DIP2C: variants seen among roughly 807,000 people sequenced by gnomAD.
DIP2C encodes the protein disco-interacting protein 2 homolog C.
A neutral mutation model predicts 192.4 loss-of-function variants in DIP2C; 33 were observed. The ratio of observed to expected loss-of-function variants is 0.17; its 90% CI spans 0.13 to 0.23. DIP2C has a LOEUF of 0.23. Among genes scored for constraint, DIP2C ranks in the 10% least tolerant of loss-of-function variants. The pLI is 1.00. For synonymous variants in DIP2C, 979 were observed against 864.1 expected (o/e 1.13, Z -2.33); for missense variants, 1,537 against 2,110.1 (o/e 0.73, Z 5.32).
chr10:484,736 T>A (rs777979811), intron 2 of DIP2C: 10 of 1,594,130 alleles, frequency 6.3e-6, no homozygotes, highest in South Asian at 3.4e-5. Context: ...CCTTTTCTAA[T>A]GTGTACCCTG....
intron 23 of DIP2C, 60 bp downstream of exon 23, chr10:357,768 G>T: frequency 7.6e-7 from 1 of 1,319,088 alleles, no homozygotes; most frequent in Non-Finnish European, 1.1e-6. Flanking sequence ...GGTCGCAGAT[G>T]GTCGGGGACA....
chr10:592,326 C>T (rs1272416815), intron 1 of DIP2C, among the ~76,000 whole-genome samples: 3 of 152,052 alleles, frequency 2.0e-5, no homozygotes, highest in African/African-American at 2.4e-5. Context: ...TCCGTAGCAG[C>T]GGATGTTATA....
intron 1 of DIP2C, among the ~76,000 whole-genome samples, chr10:487,544 C>T (rs1313220028): frequency 6.9e-6 from 1 of 145,372 alleles, no homozygotes; most frequent in African/African-American, 2.5e-5. Context: ...TGACACGGAA[C>T]CCGCATCCGC....
At position 659,220 on chromosome 10, in the gene DIP2C, CAT is replaced by C. The variant is rs369271229; in HGVS notation, c.85+30272_85+30273del. Among the ~76,000 whole-genome samples the C allele has an allele frequency of 2.3e-3, 345 of 152,370 alleles. 2 individuals carry two copies. The highest frequency in any genetic ancestry group is 7.5e-3 in the African/African-American group (313 of 41,594). On this transcript the variant is annotated intron_variant, in intron 1 of 36. Transcript: ENST00000280886. ...GAGCATCCACGCATGCATACTTGCA[CAT>C]GTGTGCGATGTCATGCCTAAACATG...
chr10:312,196 C>T (rs940834928), intron 31 of DIP2C, among the ~76,000 whole-genome samples: 1 of 152,200 alleles, frequency 6.6e-6, no homozygotes, highest in Non-Finnish European at 1.5e-5. Flanking sequence ...CAAACAGAGA[C>T]ACCAACTTCT....
intron 17 of DIP2C, among the ~76,000 whole-genome samples, chr10:376,347 G>C (rs1048235240): frequency 1.1e-4 from 16 of 152,156 alleles, no homozygotes; most frequent in Non-Finnish European, 2.2e-4. Context: ...GCCCCCGACG[G>C]AGCCGGCACA....
chr10:292,222 G>A (rs1163722230), intron 32 of DIP2C, among the ~76,000 whole-genome samples: 2 of 152,144 alleles, frequency 1.3e-5, no homozygotes, highest in South Asian at 2.1e-4. Context: ...TGCCCAAATC[G>A]GCTCCACGAA....
chr10:311,532 C>T (rs1956566224), intron 31 of DIP2C: 1 of 1,232,280 alleles, frequency 8.1e-7, no homozygotes, highest in South Asian at 4.1e-5. Flanking sequence ...AGGAAAGTCC[C>T]CTACCTGCTC....
At position 364,538 on chromosome 10, in the gene DIP2C, T is replaced by A. The variant is rs148374681; in HGVS notation, c.2313A>T (p.Pro771=). 9.5e-5 allele frequency: 154 copies of A among 1,614,074 alleles called. No homozygotes were observed. The African/African-American group carries it at 1.7e-3, about 18-fold the overall frequency. Residue 771 remains proline, a synonymous_variant, in exon 20 of 37, where the codon CCA becomes CCT. Coordinates refer to ENST00000280886, the MANE Select transcript of DIP2C (RefSeq NM_014974.3). ...TSSGAPISEY[P]FIRTGLLGFV... is the part of the protein sequence containing the mutation. Reference sequence around the variant, plus strand: ...ACCCCAGCAAGCCTGTCCTTATGAATGGGTATTCACTGATCGGAGCCCCGG... The same window carrying A: ...ACCCCAGCAAGCCTGTCCTTATGAAAGGGTATTCACTGATCGGAGCCCCGG...
At chr10:338,346 C>T (rs181711101) in intron 29 of DIP2C, among the ~76,000 whole-genome samples, 6 of 152,142 alleles carry the variant, frequency 3.9e-5, no homozygotes, top group African/African-American at 1.2e-4. Context: ...GTTCAGGTGC[C>T]GCTTACTCAC....
At chr10:338,209 A>T (rs1052719313) in intron 29 of DIP2C, among the ~76,000 whole-genome samples, 4 of 152,260 alleles carry the variant, frequency 2.6e-5, no homozygotes, top group African/African-American at 7.2e-5. Flanking sequence ...TTAAGGTTAA[A>T]AAGTTACAGT....
chr10:407,891 T>A (rs4881256), intron 9 of DIP2C, among the ~76,000 whole-genome samples: 84,373 of 152,020 alleles, frequency 0.56, 23,494 homozygotes, highest in East Asian at 0.7. Flanking sequence ...TTCACTCTCT[T>A]GATAGTACTC....
rs1290467193 is a variant in DIP2C at position 652,839 on chromosome 10, C to T, written c.85+36655G>A. Among the ~76,000 whole-genome samples the T allele has an allele frequency of 1.3e-5, 2 of 151,306 alleles. No individual in the cohort carries two copies. Among genetic ancestry groups the T allele is most frequent in the African/African-American group, 4.9e-5 (2 of 41,108 alleles). ...CCAGGGCAGATGATGATTTTTTGTA[C>T]CATTTCTTGACTTTCTTGGGCATTT... On this transcript the variant is annotated intron_variant, in intron 1 of 36. Coordinates refer to ENST00000280886, the MANE Select transcript of DIP2C (RefSeq NM_014974.3). The surrounding 1 kb of genome is among the most constrained non-coding windows in gnomAD (Gnocchi z 4.5).
chr10:647,577 T>G (rs1399107450), intron 1 of DIP2C, among the ~76,000 whole-genome samples: 124 of 101,346 alleles, frequency 1.2e-3, no homozygotes, highest in Middle Eastern at 7.8e-3. Context: ...CGTCCACATT[T>G]GACGGTGGGA....
chr10:629,517 AC>A (rs1380698262), intron 1 of DIP2C, among the ~76,000 whole-genome samples: 2 of 152,200 alleles, frequency 1.3e-5, no homozygotes, highest in Non-Finnish European at 1.5e-5. Flanking sequence ...TGGTGCTTTA[AC>A]CCACACTGGG....
At chr10:561,818 G>A (rs1849235136) in intron 1 of DIP2C, among the ~76,000 whole-genome samples, 1 of 152,218 alleles carries the variant, frequency 6.6e-6, no homozygotes, top group Non-Finnish European at 1.5e-5. Context: ...AAATACTCAT[G>A]AAATTAATAC....
Position 282,127 on chromosome 10 carries a change from G to C in DIP2C, c.4295-804C>G, listed in dbSNP as rs904716347. 5 of 156,662 alleles carry C rather than the reference G, an allele frequency of 3.2e-5. No individual in the cohort carries two copies. The East Asian group carries it at 7.4e-4, about 23-fold the overall frequency. The allele number at this position is 156,662 out of a possible 1,614,324, so 9.7% of individuals were successfully genotyped here. A position where few individuals can be genotyped will look rare whatever the true frequency, so the allele number is the denominator to read the frequency against. On this transcript the variant is annotated intron_variant, in intron 35 of 36. Transcript: ENST00000280886. ...GTTCAGGGTGGTATGGCCGTAGACA[G>C]AGATAAGTATTTTCTAATTTAAATC...
At chr10:473,936 G>C (rs572688622) in intron 2 of DIP2C, among the ~76,000 whole-genome samples, 3 of 152,116 alleles carry the variant, frequency 2.0e-5, no homozygotes, top group Non-Finnish European at 4.4e-5. Flanking sequence ...TCAGGCTGGC[G>C]AATTCAGAAC....
chr10:549,809 A>G lies in DIP2C; in HGVS notation c.86-63279T>C, dbSNP rs117408151. On this transcript the variant is annotated intron_variant, in intron 1 of 36. Transcript: ENST00000280886. ...AAATTAAGTATCTGTGAGTAACACT[A>G]GTCACTAATTCACATAGATCTGAGT... 2.7e-3 allele frequency among the ~76,000 whole-genome samples: 407 copies of G among 152,258 alleles called. 4 individuals are homozygous for G. The highest frequency in any genetic ancestry group is 5.3e-3 in the Admixed American group (81 of 15,300).
Sources: gnomAD v4.1 joint callset for allele counts (sites outside exome capture counted in the v4.1 genomes callset) on GRCh38, gnomAD v4.1.1 for gene constraint, Gnocchi (gnomAD v3.1) non-coding constraint, MANE v1.5 for transcripts, NCBI Gene and HGNC (gene_info 2026-07-23, HGNC 2026-07-21) for gene names.